The following ASIC2 variants were observed in gnomAD, a reference collection of about 807,000 sequenced individuals.
ASIC2 encodes acid sensing ion channel subunit 2, also known as acid-sensing ion channel 2.
In ASIC2, 25 loss-of-function variants were observed where a neutral mutation model predicts 57.3. The observed-to-expected ratio is 0.44, with a 90% CI of 0.32 to 0.61. The LOEUF is 0.61. Ranked by LOEUF, ASIC2 falls within the 20% of genes least tolerant of loss-of-function variation. The pLI is 0.06. For missense variants in ASIC2, 641 were observed against 738.1 expected (o/e 0.87, Z 1.52); for synonymous variants, 319 against 307.5 (o/e 1.04, Z -0.39).
At chr17:33,904,837 C>T (rs1981144) in intron 1 of ASIC2, among the ~76,000 whole-genome samples, 18,797 of 152,178 alleles carry the variant, frequency 0.12, 2,415 homozygotes, top group African/African-American at 0.32. Flanking sequence ...CTATCTTCTC[C>T]GGGTCTCAGT....
chr17:33,542,832 C>A (rs1215829139), intron 1 of ASIC2, among the ~76,000 whole-genome samples: 1 of 148,272 alleles, frequency 6.7e-6, no homozygotes, highest in African/African-American at 2.5e-5. Context: ...ATGCCTATGT[C>A]CTGAATGGTA....
chr17:33,865,963 A>C (rs145541422), intron 1 of ASIC2, among the ~76,000 whole-genome samples: 43 of 152,194 alleles, frequency 2.8e-4, no homozygotes, highest in African/African-American at 1.0e-3. Flanking sequence ...GATGTCAAAT[A>C]AATTAATTTT....
At chr17:33,177,987 C>T (rs566624850) in intron 1 of ASIC2, among the ~76,000 whole-genome samples, 16 of 152,164 alleles carry the variant, frequency 1.1e-4, no homozygotes, top group Non-Finnish European at 2.2e-4. Context: ...AGTGTGCGTG[C>T]ACATACATAC....
At chr17:34,145,917 A>C (rs1253294202) in intron 1 of ASIC2, among the ~76,000 whole-genome samples, 1 of 152,198 alleles carries the variant, frequency 6.6e-6, no homozygotes, top group Non-Finnish European at 1.5e-5. Flanking sequence ...ATGCACATTC[A>C]GGAAGAAATG....
intron 1 of ASIC2, among the ~76,000 whole-genome samples, chr17:33,753,438 A>G (rs1910495952): frequency 6.6e-6 from 1 of 152,264 alleles, no homozygotes; most frequent in Admixed American, 6.5e-5. Context: ...TATAACACAA[A>G]GAATGAACCC....
In ASIC2 at chr17:33,221,123, G is replaced by A. The variant is rs1017257156; in HGVS notation, c.708+70285C>T. On this transcript the variant is annotated intron_variant, in intron 1 of 9. Transcript: ENST00000225823. Reference sequence around the variant, plus strand: ...GAATGCCAGGTGTAGGCAGACCCCTGGAGTGGACAGTGGCTTCAATTCTTT... The same window carrying A: ...GAATGCCAGGTGTAGGCAGACCCCTAGAGTGGACAGTGGCTTCAATTCTTT... 2.0e-5 allele frequency among the ~76,000 whole-genome samples: 3 copies of A among 151,806 alleles called. No homozygotes were observed. The South Asian group carries it at 6.2e-4, about 32-fold the overall frequency.
chr17:33,054,659 C>T (rs576317736), intron 3 of ASIC2, among the ~76,000 whole-genome samples: 18 of 152,116 alleles, frequency 1.2e-4, no homozygotes, highest in Non-Finnish European at 2.6e-4. Flanking sequence ...GCAAATGTGG[C>T]GTCTCGGGCG....
intron 1 of ASIC2, among the ~76,000 whole-genome samples, chr17:33,750,432 A>G (rs1910395506): frequency 6.6e-6 from 1 of 152,134 alleles, no homozygotes; most frequent in South Asian, 2.1e-4. Context: ...AATTCAGTGC[A>G]CTCAGGAGGC....
intron 1 of ASIC2, among the ~76,000 whole-genome samples, chr17:34,084,089 T>C (rs1251703943): frequency 1.3e-5 from 2 of 151,944 alleles, no homozygotes; most frequent in African/African-American, 4.8e-5. Flanking sequence ...AGACATGAAG[T>C]CCTTGCCCAT....
intron 1 of ASIC2, among the ~76,000 whole-genome samples, chr17:33,349,518 A>G (rs977814644): frequency 6.6e-6 from 1 of 152,200 alleles, no homozygotes; most frequent in Middle Eastern, 3.4e-3. Flanking sequence ...GGCCACCTTC[A>G]TTCTTACCTC....
chr17:33,278,288 T>G (rs1410937134), intron 1 of ASIC2, among the ~76,000 whole-genome samples: 2 of 152,040 alleles, frequency 1.3e-5, no homozygotes, highest in African/African-American at 4.8e-5. Context: ...TCTGCTCCTT[T>G]ACCCCCCAAC....
At position 33,061,919 on chromosome 17, in the gene ASIC2, T is replaced by C. The variant is rs953987907; in HGVS notation, c.987+26944A>G. 1.1e-4 allele frequency among the ~76,000 whole-genome samples: 16 copies of C among 152,362 alleles called. No homozygotes were observed. The South Asian group carries it at 1.7e-3, about 16-fold the overall frequency. On this transcript the variant is annotated intron_variant, in intron 3 of 9. Coordinates refer to ENST00000225823, the MANE Select transcript of ASIC2 (RefSeq NM_183377.2). ...GTGTATGTGTCAAGGAATTTATCCA[T>C]TTCTTCTAGATTTTCTAGTTTATTT...
Position 33,620,584 on chromosome 17 carries a change from C to T in ASIC2, c.556-508517G>A, listed in dbSNP as rs1337673180. On this transcript the variant is annotated intron_variant, in intron 1 of 9. Coordinates refer to the ASIC2 transcript ENST00000359872. ...AAATCATCCTTATTTTAGAGCTTCC[C>T]CATAAAATTAGCAACTTTGCCATTT... 2.1e-3 allele frequency among the ~76,000 whole-genome samples: 316 copies of T among 152,150 alleles called. 3 individuals carry two copies. The highest frequency in any genetic ancestry group is 3.5e-3 in the Non-Finnish European group (240 of 68,000).
intron 1 of ASIC2, among the ~76,000 whole-genome samples, chr17:33,905,769 G>A (rs954237532): frequency 1.1e-4 from 17 of 152,104 alleles, no homozygotes; most frequent in African/African-American, 4.1e-4. Context: ...AGAATGACCA[G>A]GGACAGGTCT....
At chr17:33,731,700 C>A (rs1371608946) in intron 1 of ASIC2, among the ~76,000 whole-genome samples, 2 of 152,240 alleles carry the variant, frequency 1.3e-5, no homozygotes, top group African/African-American at 2.4e-5. Context: ...ATTCCTAGCT[C>A]ATCCCTAAAT....
intron 1 of ASIC2, among the ~76,000 whole-genome samples, chr17:33,456,742 A>G (rs1052067005): frequency 7.9e-5 from 12 of 152,208 alleles, no homozygotes; most frequent in African/African-American, 2.9e-4. Flanking sequence ...TAGTTCCAGC[A>G]CTGGAGTATT....
chr17:33,238,981 A>G (rs1908400403), intron 1 of ASIC2, among the ~76,000 whole-genome samples: 3 of 144,328 alleles, frequency 2.1e-5, no homozygotes, highest in Non-Finnish European at 4.6e-5. Flanking sequence ...TCCAGCCTGA[A>G]TGACAGAGAG....
intron 1 of ASIC2, among the ~76,000 whole-genome samples, chr17:34,141,643 G>A (rs1376762870): frequency 1.3e-5 from 2 of 152,156 alleles, no homozygotes; most frequent in African/African-American, 2.4e-5. Flanking sequence ...TTAAATCCAT[G>A]TGCTGGGCAA....
At chr17:33,859,502 G>C (rs1040168172) in intron 1 of ASIC2, among the ~76,000 whole-genome samples, 24 of 152,202 alleles carry the variant, frequency 1.6e-4, no homozygotes, top group Non-Finnish European at 3.2e-4. Flanking sequence ...AGCTTGTCCA[G>C]TATCACACTG....
Sources: gnomAD v4.1 joint callset for allele counts (sites outside exome capture counted in the v4.1 genomes callset) on GRCh38, gnomAD v4.1.1 for gene constraint, MANE v1.5 for transcripts, NCBI Gene and HGNC (gene_info 2026-07-23, HGNC 2026-07-21) for gene names.